OSBPL8: variants seen among roughly 807,000 people sequenced by gnomAD.
The protein encoded by OSBPL8 is oxysterol binding protein like 8.
In OSBPL8, 59 loss-of-function variants were observed where a neutral mutation model predicts 125.5. That is an observed-to-expected ratio of 0.47 (90% confidence interval 0.38 to 0.58). The LOEUF (loss-of-function observed/expected upper bound fraction) is 0.58, where lower values mean the gene tolerates loss of function less well. OSBPL8 is among the 20% of genes least tolerant of loss of function. OSBPL8 has a pLI of 0.00. For missense variants in OSBPL8, 758 were observed against 1,047.8 expected, an observed-to-expected ratio of 0.72 and a Z score of 3.82; for synonymous variants, 330 against 338.9, an observed-to-expected ratio of 0.97 and a Z score of 0.29.
At chr12:76,455,766 T>C (rs567063452) in intron 3 of OSBPL8, among the ~76,000 whole-genome samples, 1 of 152,354 alleles carries the variant, frequency 6.6e-6, no homozygotes, top group South Asian at 2.1e-4. Context: ...TAGTAGACTA[T>C]TCAAACATAA....
chr12:76,373,977 T>C (rs1952718009), intron 17 of OSBPL8, among the ~76,000 whole-genome samples: 1 of 152,168 alleles, frequency 6.6e-6, no homozygotes, highest in Admixed American at 6.6e-5. Flanking sequence ...TCCAATGTCA[T>C]ACTTAAAGGC....
chr12:76,482,971 A>AT (rs1158638235), intron 2 of OSBPL8, among the ~76,000 whole-genome samples: 3 of 152,034 alleles, frequency 2.0e-5, no homozygotes, highest in Admixed American at 6.6e-5. Flanking sequence ...TTAAAAATAT[A>AT]TAGTATTGGG....
At chr12:76,422,441 G>A (rs55719426) in intron 4 of OSBPL8, 4,719 of 433,030 alleles carry the variant, frequency 0.011, 42 homozygotes, top group Non-Finnish European at 0.015. Flanking sequence ...GCTTTAAAAT[G>A]TTAAAATGCC....
chr12:76,531,120 A>T (rs902883879), intron 1 of OSBPL8, among the ~76,000 whole-genome samples: 5 of 152,198 alleles, frequency 3.3e-5, no homozygotes, highest in Non-Finnish European at 5.9e-5. Flanking sequence ...CAATCATGGC[A>T]GAAGGCAAAG....
At chr12:76,498,725 CTTTT>C (rs369287376) in intron 1 of OSBPL8, among the ~76,000 whole-genome samples, 6 of 102,498 alleles carry the variant, frequency 5.9e-5, no homozygotes, top group Non-Finnish European at 9.1e-5. Flanking sequence ...AGCCTCCCCA[CTTTT>C]TTTTTTTTTT....
At chr12:76,357,094 T>C (rs1952015660) in intron 22 of OSBPL8, among the ~76,000 whole-genome samples, 2 of 152,220 alleles carry the variant, frequency 1.3e-5, no homozygotes, top group Non-Finnish European at 2.9e-5. Flanking sequence ...CAATTTTTTA[T>C]TGTGAGTGTT....
intron 22 of OSBPL8, 37 bp from the exon 23 acceptor site, chr12:76,356,765 A>C (rs1565819008): frequency 2.2e-6 from 3 of 1,381,624 alleles, no homozygotes; most frequent in Middle Eastern, 1.9e-4. Context: ...AAACTATAAA[A>C]ATAATCTACA....
chr12:76,476,791 G>A lies in OSBPL8; in HGVS notation c.42+10719C>T, dbSNP rs184009897. Among the ~76,000 whole-genome samples, 39 of 152,076 alleles carry A rather than the reference G, an allele frequency of 2.6e-4. 1 individual carries two copies. Among genetic ancestry groups the A allele is most frequent in the Admixed American group, 1.3e-3 (20 of 15,282 alleles). ...TAGAAAAGACTTCCCAAGTCTCATC[G>A]CCAGACATACATTCATAAAACCACA... On this transcript the variant is annotated intron_variant, in intron 2 of 23. Transcript: ENST00000261183.
At chr12:76,534,553 A>G (rs1950438831) in intron 1 of OSBPL8, among the ~76,000 whole-genome samples, 1 of 152,194 alleles carries the variant, frequency 6.6e-6, no homozygotes, top group Non-Finnish European at 1.5e-5. Flanking sequence ...CTTCCTTAAT[A>G]TATACAATAT....
intron 14 of OSBPL8, among the ~76,000 whole-genome samples, chr12:76,384,678 C>T (rs1056633042): frequency 3.9e-5 from 6 of 152,108 alleles, no homozygotes; most frequent in Non-Finnish European, 5.9e-5. Context: ...GCCTATCTCT[C>T]AATCATTAGT....
rs1247781804 is a variant in OSBPL8 at position 76,378,397 on chromosome 12, T to C, written c.1729+55A>G. On this transcript the variant is annotated intron_variant, in intron 16 of 23. Transcript: ENST00000261183. ...CAAAGCATAACAAATCACAGCTACATACATTTACTTAAAAGGAAAGCTTAA... is the reference window on the plus strand; with the variant it reads ...CAAAGCATAACAAATCACAGCTACACACATTTACTTAAAAGGAAAGCTTAA... 6 of 1,211,836 alleles carry C rather than the reference T, an allele frequency of 5.0e-6. No individual in the cohort carries two copies. In the Admixed American group the frequency reaches 1.1e-4, roughly 23 times the overall value. The allele number at this position is 1,211,836 out of a possible 1,614,324, so 75.1% of individuals were successfully genotyped here. A position where few individuals can be genotyped will look rare whatever the true frequency, so the allele number is the denominator to read the frequency against.
chr12:76,537,525 T>C (rs1443864612), intron 1 of OSBPL8, among the ~76,000 whole-genome samples: 1 of 152,198 alleles, frequency 6.6e-6, no homozygotes, highest in African/African-American at 2.4e-5. Flanking sequence ...ATAATAGTTA[T>C]AGTAATAACT....
chr12:76,367,232 GTGTGTGTGTGT>G (rs1565829207), intron 21 of OSBPL8, among the ~76,000 whole-genome samples: 2 of 145,904 alleles, frequency 1.4e-5, no homozygotes, highest in African/African-American at 5.4e-5. Context: ...GTTGATTGGT[GTGTGTGTGTGT>G]GTGTGTGTGT....
intron 4 of OSBPL8, among the ~76,000 whole-genome samples, chr12:76,433,756 T>G (rs1049871188): frequency 1.3e-5 from 2 of 151,928 alleles, no homozygotes; most frequent in Non-Finnish European, 2.9e-5. Context: ...AGGTGGATCA[T>G]GAGGTCAGGA....
chr12:76,388,645 C>T (rs1157638560), intron 12 of OSBPL8, among the ~76,000 whole-genome samples: 1 of 152,110 alleles, frequency 6.6e-6, no homozygotes. Context: ...CCTTATTTTG[C>T]ATGAGGTTTT....
chr12:76,401,215 C>T (rs1231928198), intron 6 of OSBPL8, among the ~76,000 whole-genome samples: 1 of 152,188 alleles, frequency 6.6e-6, no homozygotes, highest in Non-Finnish European at 1.5e-5. Context: ...TGTTAACCTT[C>T]TGGAAAACAC....
chr12:76,435,616 C>A (rs1052377614), intron 4 of OSBPL8, among the ~76,000 whole-genome samples: 1 of 151,746 alleles, frequency 6.6e-6, no homozygotes, highest in Non-Finnish European at 1.5e-5. Flanking sequence ...GATAATTTCA[C>A]AAAACACCAA....
intron 1 of OSBPL8, among the ~76,000 whole-genome samples, chr12:76,489,858 A>G (rs1030145779): frequency 1.3e-5 from 2 of 152,238 alleles, no homozygotes; most frequent in African/African-American, 4.8e-5. Context: ...CAAAGTTTGA[A>G]AACCTAATGG....
intron 23 of OSBPL8, 94 bp downstream of exon 23, chr12:76,356,532 T>C (rs1478140439): frequency 9.4e-6 from 7 of 747,822 alleles, no homozygotes; most frequent in Admixed American, 3.2e-5. Context: ...CTAAATGTTA[T>C]AAAAATATGA....
Sources: gnomAD v4.1 joint callset for allele counts (sites outside exome capture counted in the v4.1 genomes callset) on GRCh38, gnomAD v4.1.1 for gene constraint, MANE v1.5 for transcripts, NCBI Gene and HGNC (gene_info 2026-07-23, HGNC 2026-07-21) for gene names.